CCDC169: variants seen among roughly 807,000 people sequenced by gnomAD.
CCDC169 encodes the protein coiled-coil domain-containing protein 169.
CCDC169 carries 30 observed loss-of-function variants against 36.0 expected under a neutral mutation model. The ratio of observed to expected loss-of-function variants is 0.83; its 90% CI spans 0.62 to 1.13. The LOEUF is 1.13. CCDC169 is among the 50% of genes most tolerant of loss of function. The probability of loss-of-function intolerance (pLI) is 0.00; values close to 1 mark genes in which losing one functional copy is unlikely to be tolerated. For missense variants in CCDC169, 245 were observed against 245.9 expected, an observed-to-expected ratio of 1.00 and a Z score of 0.03; for synonymous variants, 85 against 81.5, an observed-to-expected ratio of 1.04 and a Z score of -0.23.
At chr13:36,277,344 GA>G (rs1341387522) in intron 4 of CCDC169, among the ~76,000 whole-genome samples, 2 of 151,998 alleles carry the variant, frequency 1.3e-5, no homozygotes, top group Non-Finnish European at 2.9e-5. Flanking sequence ...AGAGCATTAG[GA>G]AAAATAGCTA....
At chr13:36,264,063 T>C (rs1283091890) in intron 4 of CCDC169, among the ~76,000 whole-genome samples, 1 of 152,160 alleles carries the variant, frequency 6.6e-6, no homozygotes, top group Non-Finnish European at 1.5e-5. Flanking sequence ...GAAAATGTAT[T>C]CTAAGTTCTA....
chr13:36,248,531 G>A, intron 7 of CCDC169, 75 bp downstream of exon 7: 1 of 1,387,810 alleles, frequency 7.2e-7, no homozygotes, highest in Non-Finnish European at 9.9e-7. Context: ...CCAAAATATA[G>A]TGGACACCTG....
chr13:36,287,441 A>T (rs976816057), intron 2 of CCDC169, among the ~76,000 whole-genome samples: 2 of 152,238 alleles, frequency 1.3e-5, no homozygotes, highest in Admixed American at 6.5e-5. Context: ...ACTTGAAGCC[A>T]GCTATCTTTT....
chr13:36,277,505 A>G (rs1876973245), intron 4 of CCDC169, among the ~76,000 whole-genome samples: 1 of 152,186 alleles, frequency 6.6e-6, no homozygotes, highest in South Asian at 2.1e-4. Context: ...CCTTTAATAT[A>G]TATTAATATG....
downstream of CCDC169, among the ~76,000 whole-genome samples, chr13:36,228,975 T>C (rs1049069344): frequency 1.3e-5 from 2 of 152,254 alleles, no homozygotes; most frequent in African/African-American, 4.8e-5. Context: ...GGTAGAAAGC[T>C]TAAAACTAAA....
intron 4 of CCDC169, among the ~76,000 whole-genome samples, chr13:36,277,714 G>A (rs1877002127): frequency 6.6e-6 from 1 of 152,088 alleles, no homozygotes; most frequent in Non-Finnish European, 1.5e-5. Context: ...GTAATGGGAG[G>A]CTGAGGCAGG....
intron 6 of CCDC169, 117 bp downstream of exon 6, chr13:36,253,686 A>G (rs1873463234): frequency 1.6e-6 from 2 of 1,241,346 alleles, no homozygotes; most frequent in East Asian, 2.6e-5. Flanking sequence ...CTCCATATTT[A>G]GAAACTTAAC....
At chr13:36,223,335 C>G (rs902505093), downstream of CCDC169, 2 of 152,148 alleles carry the variant, frequency 1.3e-5, no homozygotes, top group Non-Finnish European at 2.9e-5. Context: ...GAGGAATGGT[C>G]ACCTAATCTC....
At chr13:36,263,540 A>T (rs1425186252) in intron 4 of CCDC169, among the ~76,000 whole-genome samples, 3 of 152,222 alleles carry the variant, frequency 2.0e-5, no homozygotes, top group Non-Finnish European at 4.4e-5. Flanking sequence ...AATTTTAAAA[A>T]TTATATTAAG....
intron 4 of CCDC169, among the ~76,000 whole-genome samples, chr13:36,278,005 A>C (rs1485689346): frequency 6.6e-6 from 1 of 152,074 alleles, no homozygotes; most frequent in Non-Finnish European, 1.5e-5. Context: ...TTGAGAAGGT[A>C]CCAAAAGATT....
intron 7 of CCDC169, among the ~76,000 whole-genome samples, chr13:36,238,765 C>T (rs1871383808): frequency 6.6e-6 from 1 of 152,072 alleles, no homozygotes; most frequent in African/African-American, 2.4e-5. Flanking sequence ...AATGATGAAG[C>T]TGAGGTACTT....
At chr13:36,253,880 G>T (rs1349151227) in intron 5 of CCDC169, 24 bp from the exon 6 acceptor site, 2 of 1,550,400 alleles carry the variant, frequency 1.3e-6, no homozygotes, top group Non-Finnish European at 1.7e-6. Context: ...CAAAAGCAAA[G>T]GGTCCAACAT....
Position 36,264,004 on chromosome 13 carries a change from C to T in CCDC169, c.316-9861G>A, listed in dbSNP as rs542946238. Among the ~76,000 whole-genome samples, 4 of 152,232 alleles carry T rather than the reference C, an allele frequency of 2.6e-5. No homozygotes were observed. In the East Asian group the frequency reaches 7.7e-4, roughly 29 times the overall value. On this transcript the variant is annotated intron_variant, in intron 4 of 7. Coordinates refer to ENST00000239859, the MANE Select transcript of CCDC169 (RefSeq NM_001144981.3). ...GATCAGTTACATAATTTGTTAAATACATTTATAGATGTAAAATGAATCCAA... is the reference window on the plus strand; with the variant it reads ...GATCAGTTACATAATTTGTTAAATATATTTATAGATGTAAAATGAATCCAA...
At chr13:36,273,923 C>G (rs994754287) in intron 4 of CCDC169, among the ~76,000 whole-genome samples, 3 of 152,106 alleles carry the variant, frequency 2.0e-5, no homozygotes, top group African/African-American at 7.2e-5. Context: ...CAGCTCTGTG[C>G]GTGTTCATTC....
chr13:36,264,807 G>T (rs1169950454), intron 4 of CCDC169, among the ~76,000 whole-genome samples: 1 of 152,176 alleles, frequency 6.6e-6, no homozygotes, highest in Non-Finnish European at 1.5e-5. Flanking sequence ...CATTGTGCTA[G>T]GGATAGCACA....
chr13:36,251,058 A>C (rs1335873628), intron 6 of CCDC169, among the ~76,000 whole-genome samples: 1 of 152,232 alleles, frequency 6.6e-6, no homozygotes, highest in African/African-American at 2.4e-5. Flanking sequence ...TAAGTAATGC[A>C]ACGTACCTAT....
chr13:36,259,399 C>T (rs752850793), intron 4 of CCDC169, among the ~76,000 whole-genome samples: 6 of 152,152 alleles, frequency 3.9e-5, no homozygotes, highest in African/African-American at 1.4e-4. Flanking sequence ...AAGACTTGAA[C>T]AAAATGCTCA....
At chr13:36,227,278 C>A (rs9546785), downstream of CCDC169, 10 of 1,550,914 alleles carry the variant, frequency 6.4e-6, no homozygotes, top group Non-Finnish European at 8.7e-6. Flanking sequence ...GCTTTTTGTC[C>A]GAGGCATGTC....
chr13:36,284,494 C>T (rs1030986598), intron 2 of CCDC169, among the ~76,000 whole-genome samples: 2 of 152,222 alleles, frequency 1.3e-5, no homozygotes, highest in Non-Finnish European at 2.9e-5. Context: ...ATCATATCCT[C>T]TTAACTCCTA....
Sources: allele counts gnomAD v4.1 joint callset (sites outside exome capture counted in the v4.1 genomes callset), GRCh38; gene constraint gnomAD v4.1.1; transcripts MANE v1.5; gene names NCBI Gene and HGNC (gene_info 2026-07-23, HGNC 2026-07-21).